Variants in FBXW5 observed in about 807,000 individuals in gnomAD.
FBXW5 encodes the protein F-box/WD repeat-containing protein 5.
A neutral mutation model predicts 50.9 loss-of-function variants in FBXW5; 74 were observed. The observed-to-expected ratio is 1.45, with a 90% CI of 1.20 to 1.76. FBXW5 has a LOEUF of 1.76. Ranked by LOEUF, FBXW5 falls within the 40% of genes most tolerant of loss-of-function variation. The pLI is 0.00. For missense variants in FBXW5, 1,073 were observed against 818.8 expected (o/e 1.31, Z -3.79); for synonymous variants, 523 against 362.2 (o/e 1.44, Z -5.04).
Position 136,942,951 on chromosome 9 carries a change from G to A in FBXW5, c.352-8C>T, listed in dbSNP as rs1421118950. 3 of 1,612,532 alleles carry A rather than the reference G, an allele frequency of 1.9e-6. No individual in the cohort carries two copies. The highest frequency in any genetic ancestry group is 3.3e-5 in the Admixed American group (2 of 60,012). ...CAGGTCGTTGCTCCAGATCTGTTCG[G>A]CAGGGGCGGCTGTAGTGATCGCCTG... is the stretch of plus-strand genomic sequence containing the variant. On this transcript the variant is annotated splice_polypyrimidine_tract_variant and splice_region_variant and intron_variant, in intron 3 of 8. Coordinates refer to ENST00000325285, the MANE Select transcript of FBXW5 (RefSeq NM_018998.4).
rs371335676 is a variant in FBXW5 at position 136,942,672 on chromosome 9, C to T, written c.550G>A (p.Val184Met). Reference protein sequence around the residue: ...SLDSFALLSRVRNKPYDVFGC... With the variant: ...SLDSFALLSRMRNKPYDVFGC... The stretch of plus-strand genomic sequence containing the variant: ...AACACGTCATAGGGCTTGTTCCGCA[C>T]GCGGGACAGCAGCGCGAAGGAGTCT... Residue 184 changes from valine to methionine, a missense_variant, in exon 5 of 9, where the codon GTG (valine) becomes ATG (methionine). Physicochemically the swap from Val to Met is conservative, Grantham distance 21. Transcript: ENST00000325285. 3.0e-4 allele frequency: 485 copies of T among 1,610,254 alleles called. 1 individual carries two copies. Among genetic ancestry groups the T allele is most frequent in the Non-Finnish European group, 3.8e-4 (449 of 1,178,906 alleles).
Position 136,942,184 on chromosome 9 carries a change from C to T in FBXW5, c.958G>A (p.Glu320Lys), listed in dbSNP as rs1249346188. The change falls in exon 6 of 9, where the codon GAG becomes AAG. Residue 320 changes from glutamate to lysine, a missense_variant. Glu to Lys is a moderately conservative substitution (Grantham distance 56). Transcript: ENST00000325285. ...LEGRAQPQLS[E>K]RMLETKVAEL... Reference sequence around the variant, plus strand: ...GCCACCTTGGTCTCTAGCATGCGCTCCGACAGCTGTGGCTGCGCCCGCCCC... The same window carrying T: ...GCCACCTTGGTCTCTAGCATGCGCTTCGACAGCTGTGGCTGCGCCCGCCCC... 6.3e-7 allele frequency: 1 copy of T among 1,591,220 alleles called. No homozygotes were observed. Among genetic ancestry groups the T allele is most frequent in the Admixed American group, 1.8e-5 (1 of 56,458 alleles).
In FBXW5 at chr9:136,942,751, C is replaced by T; in HGVS notation, c.526+18G>A. The T allele has an allele frequency of 6.2e-7, 1 of 1,611,690 alleles. No homozygotes were observed. The highest frequency in any genetic ancestry group is 8.5e-7 in the Non-Finnish European group (1 of 1,179,614). ...CGGCGTGGGGCGGGGGCAGGGTCAA[C>T]CCGCCGCCCGTGCTCACCTAGGCTG... On this transcript the variant is annotated intron_variant, in intron 4 of 8. Transcript: ENST00000325285.
At position 136,943,470 on chromosome 9, in the gene FBXW5, T is replaced by C. The variant is rs1467765628; in HGVS notation, c.230A>G (p.Tyr77Cys). 6.8e-6 allele frequency: 11 copies of C among 1,612,300 alleles called. No individual in the cohort carries two copies. In the South Asian group the frequency reaches 9.9e-5, roughly 14 times the overall value. The change falls in exon 3 of 9, where the codon TAT becomes TGT. Residue 77 changes from tyrosine to cysteine, a missense_variant. Transcript: ENST00000325285. Reference sequence around the variant, plus strand: ...CACCTCCACGCAGGGCACCGTGTCATACAGCCGCTGGAACTCCTCGTACCA... The same window carrying C: ...CACCTCCACGCAGGGCACCGTGTCACACAGCCGCTGGAACTCCTCGTACCA... The part of the protein sequence containing the change: ...MSWYEEFQRL[Y>C]DTVPCVEVQT...
Position 136,941,248 on chromosome 9 carries a change from C to T in FBXW5, c.1457+3G>A. The T allele has an allele frequency of 4.4e-6, 7 of 1,603,650 alleles. No individual in the cohort carries two copies. Among genetic ancestry groups the T allele is most frequent in the East Asian group, 2.2e-5 (1 of 44,806 alleles). Reference sequence around the variant, plus strand: ...CCGCCCTGCACCACGCCGCGCCCTGCACCTGGCCACGAAGTCCCTGCTGAC... The same window carrying T: ...CCGCCCTGCACCACGCCGCGCCCTGTACCTGGCCACGAAGTCCCTGCTGAC... On this transcript the variant is annotated splice_donor_region_variant and intron_variant, in intron 8 of 8. Transcript: ENST00000325285.
At chr9:136,943,031 C>T in intron 3 of FBXW5, 88 bp from the exon 4 acceptor site, 1 of 1,590,986 alleles carries the variant, frequency 6.3e-7, no homozygotes, top group Non-Finnish European at 8.5e-7. Flanking sequence ...CCCAGCTCTG[C>T]CAGCCCTACT....
chr9:136,941,208 CGCT>C, intron 8 of FBXW5, 37 bp from the exon 9 acceptor site: 1 of 1,598,400 alleles, frequency 6.3e-7, no homozygotes, highest in Non-Finnish European at 8.5e-7. Flanking sequence ...GCCGCCCGCC[CGCT>C]GCTGCCCACA....
In FBXW5 at chr9:136,943,474, G is replaced by A; in HGVS notation, c.226C>T (p.Leu76=). ...TCCACGCAGGGCACCGTGTCATACAGCCGCTGGAACTCCTCGTACCAGGAC... is the reference window on the plus strand; with the variant it reads ...TCCACGCAGGGCACCGTGTCATACAACCGCTGGAACTCCTCGTACCAGGAC... ...AMSWYEEFQR[L]YDTVPCVEVQ... The change falls in exon 3 of 9, where the codon CTG becomes TTG. Residue 76 remains leucine (L), a synonymous_variant. Coordinates refer to ENST00000325285, the MANE Select transcript of FBXW5 (RefSeq NM_018998.4). 3 of 1,612,240 alleles carry A rather than the reference G, an allele frequency of 1.9e-6. No individual in the cohort carries two copies. Among genetic ancestry groups the A allele is most frequent in the Non-Finnish European group, 2.5e-6 (3 of 1,179,496 alleles).
chr9:136,942,060 GAGT>G lies in FBXW5; in HGVS notation c.1079_1081del (p.Tyr360del). 6.2e-7 allele frequency: 1 copy of G among 1,610,004 alleles called. No individual in the cohort carries two copies. Among genetic ancestry groups the G allele is most frequent in the Non-Finnish European group, 8.5e-7 (1 of 1,177,206 alleles). On this transcript the variant is annotated inframe_deletion, in exon 6 of 9. Coordinates refer to ENST00000325285, the MANE Select transcript of FBXW5 (RefSeq NM_018998.4). ...CAGGGGTGTACCGATCTGGTGTGGGGAGTAGGTGAGGCAGCCAGTGGTGAAGAT... is the reference window on the plus strand; with the variant it reads ...CAGGGGTGTACCGATCTGGTGTGGGGAGGTGAGGCAGCCAGTGGTGAAGAT...
At position 136,942,178 on chromosome 9, in the gene FBXW5, T is replaced by C. The variant is rs765646226; in HGVS notation, c.964A>G (p.Met322Val). 4.4e-6 allele frequency: 7 copies of C among 1,594,970 alleles called. No homozygotes were observed. The highest frequency in any genetic ancestry group is 6.0e-6 in the Non-Finnish European group (7 of 1,171,942). Reference sequence around the variant, plus strand: ...AGCTCGGCCACCTTGGTCTCTAGCATGCGCTCCGACAGCTGTGGCTGCGCC... The same window carrying C: ...AGCTCGGCCACCTTGGTCTCTAGCACGCGCTCCGACAGCTGTGGCTGCGCC... ...GRAQPQLSER[M>V]LETKVAELLA... The change falls in exon 6 of 9, where the codon ATG (methionine) becomes GTG (valine). Residue 322 changes from methionine to valine, a missense_variant. Met to Val is a conservative substitution (Grantham distance 21, BLOSUM62 1). Coordinates refer to ENST00000325285, the MANE Select transcript of FBXW5 (RefSeq NM_018998.4).
At position 136,942,851 on chromosome 9, in the gene FBXW5, C is replaced by T; in HGVS notation, c.444G>A (p.Lys148=). Reference sequence around the variant, plus strand: ...CCGAGGCCAGCAGTAGCGAGTCGTCCTTGTTGAACTGGGAGAACTGGGTGT... The same window carrying T: ...CCGAGGCCAGCAGTAGCGAGTCGTCTTTGTTGAACTGGGAGAACTGGGTGT... ...WSYTQFSQFN[K]DDSLLLASGV... Residue 148 remains lysine (K), a synonymous_variant, in exon 4 of 9, where the codon AAG becomes AAA. Coordinates refer to ENST00000325285, the MANE Select transcript of FBXW5 (RefSeq NM_018998.4). 2.5e-6 allele frequency: 4 copies of T among 1,613,540 alleles called. No individual in the cohort carries two copies. Among genetic ancestry groups the T allele is most frequent in the South Asian group, 1.1e-5 (1 of 91,086 alleles).
At chr9:136,944,547 G>T in intron 1 of FBXW5, 47 bp downstream of exon 1, 6 of 983,760 alleles carry the variant, frequency 6.1e-6, no homozygotes, top group Middle Eastern at 1.0e-3. Flanking sequence ...GCCCAAGGCG[G>T]GCGGGGACGA....
chr9:136,943,140 G>T lies in FBXW5; in HGVS notation c.352-197C>A, dbSNP rs1337193387. 6 of 1,035,686 alleles carry T rather than the reference G, an allele frequency of 5.8e-6. No homozygotes were observed. The Admixed American group carries it at 8.6e-5, about 15-fold the overall frequency. 64.2% of individuals were successfully genotyped at this position (1,035,686 alleles called of 1,614,324 possible). ...GAGCCTGCCCCTGAAGCAGGCGGCT[G>T]TGTGTGGGACCCTCTCCTCAGCACT... On this transcript the variant is annotated intron_variant, in intron 3 of 8. Coordinates refer to ENST00000325285, the MANE Select transcript of FBXW5 (RefSeq NM_018998.4).
chr9:136,942,789 T>C lies in FBXW5; in HGVS notation c.506A>G (p.Glu169Gly). ...CTCACCTAGGCTGATGACAGCAATC[T>C]CGCCGGATGAGGAGTTGTGCGGCCC... Reference protein sequence around the residue: ...FLGPHNSSSGEIAVISLDSFA... With the variant: ...FLGPHNSSSGGIAVISLDSFA... The change falls in exon 4 of 9, where the codon GAG becomes GGG. Residue 169 changes from glutamate (E) to glycine (G), a missense_variant. Glu to Gly is a moderately conservative substitution (Grantham distance 98). Transcript: ENST00000325285. 6.2e-7 allele frequency: 1 copy of C among 1,612,876 alleles called. No homozygotes were observed. The highest frequency in any genetic ancestry group is 1.1e-5 in the South Asian group (1 of 91,078).
chr9:136,940,781 T>G lies in FBXW5; in HGVS notation c.*147A>C, dbSNP rs1850718939. The G allele has an allele frequency of 1.6e-6, 2 of 1,254,794 alleles. No homozygotes were observed. The highest frequency in any genetic ancestry group is 2.2e-6 in the Non-Finnish European group (2 of 927,302). The allele number at this position is 1,254,794 out of a possible 1,614,324, so 77.7% of individuals were successfully genotyped here. A position where few individuals can be genotyped will look rare whatever the true frequency, so the allele number is the denominator to read the frequency against. ...AGCATCACAGCTGCGTGAGCAGGTT[T>G]GTGTGTGAGCGTGTGGCGGGGCCTG... On this transcript the variant is annotated 3_prime_UTR_variant, in exon 9 of 9. Coordinates refer to ENST00000325285, the MANE Select transcript of FBXW5 (RefSeq NM_018998.4).
Position 136,944,045 on chromosome 9 carries a change from C to T in FBXW5, c.39G>A (p.Leu13=), listed in dbSNP as rs1265999354. The T allele has an allele frequency of 3.7e-6, 6 of 1,604,356 alleles. No individual in the cohort carries two copies. Among genetic ancestry groups the T allele is most frequent in the South Asian group, 1.1e-5 (1 of 89,566 alleles). Residue 13 remains leucine (L), a synonymous_variant, in exon 2 of 9, where the codon CTG becomes CTA. Coordinates refer to ENST00000325285, the MANE Select transcript of FBXW5 (RefSeq NM_018998.4). ...CCAGGCTCAGGAAGATCTGGTAGACCAGGCTGTCGGGGAGCAGGGGCGTGC... is the reference window on the plus strand; with the variant it reads ...CCAGGCTCAGGAAGATCTGGTAGACTAGGCTGTCGGGGAGCAGGGGCGTGC... ...EGGTPLLPDS[L]VYQIFLSLGP...
chr9:136,940,580 C>T lies in FBXW5; in HGVS notation c.*348G>A. On this transcript the variant is annotated 3_prime_UTR_variant, in exon 9 of 9. Coordinates refer to ENST00000325285, the MANE Select transcript of FBXW5 (RefSeq NM_018998.4). ...AGCAGCCCCTGCCACCACTGGGCCA[C>T]CGTCCAGGGCCCCACAGGACCAGCC... is the stretch of plus-strand genomic sequence containing the variant. 3.3e-6 allele frequency: 1 copy of T among 302,774 alleles called. No individual in the cohort carries two copies. Among genetic ancestry groups the T allele is most frequent in the East Asian group, 7.3e-5 (1 of 13,784 alleles). The allele number at this position is 302,774 out of a possible 1,614,324, so 18.8% of individuals were successfully genotyped here.
Position 136,944,000 on chromosome 9 carries a change from G to A in FBXW5, c.84C>T (p.Ala28=), listed in dbSNP as rs543287182. ...FLSLGPADVL[A]AGLVCRQWQA... is the part of the protein sequence containing the mutation. ...GCCATTGGCGGCACACCAGCCCGGC[G>A]GCCAGCACGTCGGCCGGGCCCAGGC... is the stretch of plus-strand genomic sequence containing the variant. The change falls in exon 2 of 9, where the codon GCC becomes GCT. Residue 28 remains alanine (A), a synonymous_variant. Coordinates refer to ENST00000325285, the MANE Select transcript of FBXW5 (RefSeq NM_018998.4). The A allele has an allele frequency of 3.1e-6, 5 of 1,594,116 alleles. No homozygotes were observed. The highest frequency in any genetic ancestry group is 1.7e-5 in the Admixed American group (1 of 57,806).
intron 6 of FBXW5, 77 bp from the exon 7 acceptor site, chr9:136,941,761 G>A: frequency 7.0e-7 from 1 of 1,435,246 alleles, no homozygotes; most frequent in South Asian, 1.3e-5. Flanking sequence ...CTACCTCAGT[G>A]GTGTCTCTGG....
Sources: gnomAD v4.1 joint callset for allele counts on GRCh38, gnomAD v4.1.1 for gene constraint, MANE v1.5 for transcripts, NCBI Gene and HGNC (gene_info 2026-07-23, HGNC 2026-07-21) for gene names.